Variants in MARCHF1 observed in about 807,000 individuals in gnomAD.
The protein encoded by MARCHF1 is E3 ubiquitin-protein ligase MARCHF1.
MARCHF1 carries 40 observed loss-of-function variants against 54.2 expected under a neutral mutation model. The ratio of observed to expected loss-of-function variants is 0.74; its 90% CI spans 0.57 to 0.96. MARCHF1 has a LOEUF of 0.96. Among genes scored for constraint, MARCHF1 ranks in the 40% least tolerant of loss-of-function variants. The probability of loss-of-function intolerance (pLI) is 0.00; values close to 1 mark genes in which losing one functional copy is unlikely to be tolerated. For missense variants in MARCHF1, 586 were observed against 656.5 expected, an observed-to-expected ratio of 0.89 and a Z score of 1.17; for synonymous variants, 236 against 236.3, an observed-to-expected ratio of 1.00 and a Z score of 0.01.
At chr4:164,271,326 C>A (rs1733741262) in intron 1 of MARCHF1, among the ~76,000 whole-genome samples, 2 of 151,984 alleles carry the variant, frequency 1.3e-5, no homozygotes, top group Admixed American at 6.6e-5. Context: ...AATGGAGAAC[C>A]TTTTTTAGCT....
At chr4:163,889,480 A>AAC (rs386402124) in intron 3 of MARCHF1, among the ~76,000 whole-genome samples, 2 of 150,902 alleles carry the variant, frequency 1.3e-5, no homozygotes, top group African/African-American at 2.4e-5. Context: ...AGCAGGGAAA[A>AAC]TTTCATATTC....
At chr4:164,127,698 A>G (rs1756215298) in intron 1 of MARCHF1, among the ~76,000 whole-genome samples, 1 of 152,220 alleles carries the variant, frequency 6.6e-6, no homozygotes, top group Non-Finnish European at 1.5e-5. Flanking sequence ...GAATAAATTT[A>G]TCAAAAAATT....
chr4:163,732,876 A>G (rs552354814), intron 4 of MARCHF1, among the ~76,000 whole-genome samples: 48 of 152,108 alleles, frequency 3.2e-4, no homozygotes, highest in African/African-American at 1.1e-3. Context: ...AAGAAGCCGG[A>G]TGCGGTGGCT....
At chr4:163,551,715 T>C (rs1739112640) in intron 8 of MARCHF1, among the ~76,000 whole-genome samples, 1 of 152,184 alleles carries the variant, frequency 6.6e-6, no homozygotes, top group Admixed American at 6.5e-5. Flanking sequence ...TGGTAGGAGA[T>C]AATTGAATCA....
chr4:163,893,859 C>T (rs530535944), intron 3 of MARCHF1, among the ~76,000 whole-genome samples: 3 of 152,146 alleles, frequency 2.0e-5, no homozygotes, highest in African/African-American at 7.2e-5. Flanking sequence ...CACCATATGT[C>T]AGGCAGCTAG....
chr4:163,784,426 G>A (rs1747557687), intron 4 of MARCHF1, among the ~76,000 whole-genome samples: 1 of 152,056 alleles, frequency 6.6e-6, no homozygotes, highest in Admixed American at 6.6e-5. Flanking sequence ...ATCGTCTGGT[G>A]TTCTTAATAG....
intron 7 of MARCHF1, among the ~76,000 whole-genome samples, chr4:163,599,273 G>A (rs1740871255): frequency 7.0e-6 from 1 of 143,764 alleles, no homozygotes; most frequent in African/African-American, 2.7e-5. Flanking sequence ...CTGGGCGACA[G>A]AGTGAGACTC....
intron 1 of MARCHF1, among the ~76,000 whole-genome samples, chr4:164,282,520 C>T (rs1734050394): frequency 1.3e-5 from 2 of 150,876 alleles, no homozygotes; most frequent in Non-Finnish European, 2.9e-5. Flanking sequence ...ATACTACTTT[C>T]CCACCATTCA....
chr4:164,100,747 C>G (rs1394192456), intron 2 of MARCHF1, among the ~76,000 whole-genome samples: 2 of 152,074 alleles, frequency 1.3e-5, no homozygotes, highest in East Asian at 1.9e-4. Flanking sequence ...AAGGAATAAG[C>G]TGGGGGAGGA....
At chr4:163,919,958 T>A (rs1182092371) in intron 3 of MARCHF1, among the ~76,000 whole-genome samples, 1 of 152,218 alleles carries the variant, frequency 6.6e-6, no homozygotes, top group East Asian at 1.9e-4. Context: ...CTCCTCCTCA[T>A]TAGAGTGTAA....
chr4:164,025,277 G>A lies in MARCHF1; in HGVS notation c.-247-36568C>T, dbSNP rs116255194. On this transcript the variant is annotated intron_variant, in intron 2 of 9. Coordinates refer to ENST00000514618, the MANE Select transcript of MARCHF1 (RefSeq NM_001394959.1). ...ACAGAACACTCCACCCAAAGATCAC[G>A]GAATATACATTCTTCTCATCTGCAC... Among the ~76,000 whole-genome samples, 714 of 151,986 alleles carry A rather than the reference G, an allele frequency of 4.7e-3. 7 individuals carry two copies. Among genetic ancestry groups the A allele is most frequent in the African/African-American group, 0.016 (676 of 41,496 alleles).
intron 2 of MARCHF1, among the ~76,000 whole-genome samples, chr4:164,099,066 TATC>T (rs1420020937): frequency 6.6e-6 from 1 of 152,222 alleles, no homozygotes; most frequent in Admixed American, 6.5e-5. Flanking sequence ...ATGTATGTGT[TATC>T]ATCAAAATGT....
At chr4:163,637,106 T>C (rs538067354) in intron 5 of MARCHF1, among the ~76,000 whole-genome samples, 2,667 of 151,116 alleles carry the variant, frequency 0.018, 54 homozygotes, top group African/African-American at 0.056. Flanking sequence ...CAAGATGGAT[T>C]AAAGACTTAA....
At chr4:163,668,823 G>A (rs1230673081) in intron 5 of MARCHF1, among the ~76,000 whole-genome samples, 1 of 152,144 alleles carries the variant, frequency 6.6e-6, no homozygotes, top group Non-Finnish European at 1.5e-5. Context: ...CTACTGCTAA[G>A]TGAGAGACCT....
At chr4:164,351,400 G>C (rs957791484) in intron 1 of MARCHF1, among the ~76,000 whole-genome samples, 224 of 150,952 alleles carry the variant, frequency 1.5e-3, no homozygotes, top group Admixed American at 3.5e-3. Flanking sequence ...TCTCCCAGCA[G>C]GCAGCTGGAG....
At position 163,528,711 on chromosome 4, in the gene MARCHF1, A is replaced by AGAT. The variant is rs781525542; in HGVS notation, c.*34_*36dup. ...CATTTGTAGTGGCTGAGGGCTAGAA[A>AGAT]GATATTCTTCGGTGAAGAAACTCCC... On this transcript the variant is annotated 3_prime_UTR_variant, in exon 10 of 10. Coordinates refer to ENST00000514618, the MANE Select transcript of MARCHF1 (RefSeq NM_001394959.1). 1 of 1,567,234 alleles carries AGAT rather than the reference A, an allele frequency of 6.4e-7. No homozygotes were observed. Among genetic ancestry groups the AGAT allele is most frequent in the Non-Finnish European group, 8.7e-7 (1 of 1,154,262 alleles).
At chr4:164,345,206 A>C (rs1286646743) in intron 1 of MARCHF1, among the ~76,000 whole-genome samples, 1 of 152,196 alleles carries the variant, frequency 6.6e-6, no homozygotes, top group South Asian at 2.1e-4. Context: ...TTCACCATAC[A>C]TTATGTGTCT....
intron 1 of MARCHF1, among the ~76,000 whole-genome samples, chr4:164,222,268 T>A (rs1453192516): frequency 6.6e-6 from 1 of 150,764 alleles, no homozygotes; most frequent in Non-Finnish European, 1.5e-5. Context: ...AGGATCAACA[T>A]GTGTCTTTTT....
intron 2 of MARCHF1, among the ~76,000 whole-genome samples, chr4:164,081,234 A>AAAAAAAAG (rs1560895110): frequency 6.8e-6 from 1 of 146,798 alleles, no homozygotes; most frequent in Non-Finnish European, 1.5e-5. Flanking sequence ...AAAAAAAAAA[A>AAAAAAAAG]AAAGAAATAT....
Sources: allele counts gnomAD v4.1 joint callset (sites outside exome capture counted in the v4.1 genomes callset), GRCh38; gene constraint gnomAD v4.1.1; transcripts MANE v1.5; gene names NCBI Gene and HGNC (gene_info 2026-07-23, HGNC 2026-07-21).